Variants in NEB observed in about 807,000 individuals in gnomAD.
NEB encodes nebulin.
NEB carries 512 observed loss-of-function variants against 952.2 expected under a neutral mutation model. That is an observed-to-expected ratio of 0.54 (90% CI 0.50 to 0.58). NEB has a LOEUF of 0.58. Among genes scored for constraint, NEB ranks in the 20% least tolerant of loss-of-function variants. The pLI, the probability that NEB is intolerant of heterozygous loss-of-function variation, is 0.00. For synonymous variants in NEB, 2,900 were observed against 3,149.8 expected (o/e 0.92, Z 2.66); for missense variants, 8,428 against 9,231.1 (o/e 0.91, Z 3.56).
At chr2:151,630,936 A>C in intron 66 of NEB, 117 bp from the exon 67 acceptor site, 1 of 1,158,926 alleles carries the variant, frequency 8.6e-7, no homozygotes, top group Non-Finnish European at 1.2e-6. Flanking sequence ...TTGAATATAA[A>C]GTATTCTACT....
intron 13 of NEB, among the ~76,000 whole-genome samples, chr2:151,699,442 A>T (rs1195234401): frequency 1.9e-4 from 7 of 36,722 alleles, no homozygotes; most frequent in East Asian, 6.5e-4. Flanking sequence ...CGCCACACTG[A>T]CTTCCACAAT....
intron 34 of NEB, 82 bp from the exon 35 acceptor site, chr2:151,675,473 AC>A: frequency 1.1e-6 from 1 of 909,766 alleles, no homozygotes; most frequent in Non-Finnish European, 1.7e-6. Context: ...TAGCACAATC[AC>A]CCATGATTTT....
Position 151,679,792 on chromosome 2 carries a change from T to C in NEB, c.3184A>G (p.Lys1062Glu), listed in dbSNP as rs192117840. ...GCATCAGTTCTCAGGTCATATCCCTTCTTGCTCAAGTCTTTCAAGTCTGCT... is the reference window on the plus strand; with the variant it reads ...GCATCAGTTCTCAGGTCATATCCCTCCTTGCTCAAGTCTTTCAAGTCTGCT... The part of the protein sequence containing the change: ...YKADLKDLSK[K>E]GYDLRTDAIP... Residue 1062 changes from lysine (K) to glutamate (E), a missense_variant, in exon 32 of 182, where the codon AAG (lysine) becomes GAG (glutamate). Around this residue, in one of 11 missense-constraint regions of NEB, gnomAD observed 2,851 missense variants for 2,791.5 expected, o/e 1.02. Coordinates refer to ENST00000397345, the MANE Select transcript of NEB (RefSeq NM_001164508.2). 217 of 1,613,874 alleles carry C rather than the reference T, an allele frequency of 1.3e-4. No individual in the cohort carries two copies. In the African/African-American group the frequency reaches 1.9e-3, roughly 14 times the overall value.
intron 78 of NEB, 130 bp downstream of exon 78, chr2:151,612,056 G>A: frequency 2.1e-6 from 2 of 943,706 alleles, no homozygotes; most frequent in East Asian, 2.6e-5. Context: ...CAGATGCTCT[G>A]TTAAAGGCCT....
chr2:151,521,478 TC>T (rs1306649421), intron 153 of NEB, among the ~76,000 whole-genome samples: 5 of 152,208 alleles, frequency 3.3e-5, no homozygotes, highest in Admixed American at 2.0e-4. Context: ...AGGCAACTTT[TC>T]CTAAGAGATA....
At chr2:151,509,782 C>T (rs1397287992) in intron 161 of NEB, among the ~76,000 whole-genome samples, 1 of 152,158 alleles carries the variant, frequency 6.6e-6, no homozygotes, top group African/African-American at 2.4e-5. Context: ...TGTGCACCAC[C>T]ACAACCAGCT....
intron 133 of NEB, among the ~76,000 whole-genome samples, chr2:151,546,722 C>T (rs951659041): frequency 3.3e-5 from 5 of 151,962 alleles, no homozygotes; most frequent in Admixed American, 1.3e-4. Context: ...TCGTGCCTGG[C>T]TAATTTTTGT....
At chr2:151,536,988 GA>G in intron 141 of NEB, 143 bp downstream of exon 141, 1 of 458,360 alleles carries the variant, frequency 2.2e-6, no homozygotes, top group Middle Eastern at 4.2e-4. Context: ...TCCTAGCAGT[GA>G]ACAAGTAAGT....
rs149510427 is a variant in NEB at position 151,531,078 on chromosome 2, G to C, written c.21546C>G (p.Asn7182Lys). The stretch of plus-strand genomic sequence containing the variant: ...TGGTGTAGCCTCTGGGTTTGGCCTT[G>C]TTGTATTCCAATTTATAAAGGATCT... Reference protein sequence around the residue: ...ISDILYKLEYNKAKPRGYTTI... With the variant: ...ISDILYKLEYKKAKPRGYTTI... Residue 7182 changes from asparagine (N) to lysine (K), a missense_variant, in exon 145 of 182, where the codon AAC becomes AAG. Coordinates refer to ENST00000397345, the MANE Select transcript of NEB (RefSeq NM_001164508.2). The C allele has an allele frequency of 1.2e-6, 2 of 1,611,762 alleles. No individual in the cohort carries two copies. The highest frequency in any genetic ancestry group is 8.5e-7 in the Non-Finnish European group (1 of 1,178,358).
intron 71 of NEB, among the ~76,000 whole-genome samples, chr2:151,624,830 CTATT>C (rs1291929479): frequency 2.0e-5 from 3 of 152,114 alleles, no homozygotes; most frequent in Admixed American, 2.0e-4. Flanking sequence ...GAGCAAGACG[CTATT>C]TATGCAGCAG....
rs546250852 is a variant in NEB at position 151,725,487 on chromosome 2, C to A, written c.368G>T (p.Arg123Leu). The change falls in exon 6 of 182, where the codon CGC (arginine) becomes CTC (leucine). Residue 123 changes from arginine to leucine, a missense_variant. Coordinates refer to ENST00000397345, the MANE Select transcript of NEB (RefSeq NM_001164508.2). Reference protein sequence around the residue: ...YASTTDTPELRRIKKVQDQLS... With the variant: ...YASTTDTPELLRIKKVQDQLS... ...TTGATCTTGTACTTTTTTGATTCTG[C>A]GAAGTTCTGGAGTATCTGTTGTGCT... 1.9e-6 allele frequency: 3 copies of A among 1,613,228 alleles called. No homozygotes were observed. The highest frequency in any genetic ancestry group is 2.5e-6 in the Non-Finnish European group (3 of 1,179,484).
At chr2:151,721,443 C>T (rs973110384) in intron 9 of NEB, among the ~76,000 whole-genome samples, 2 of 152,118 alleles carry the variant, frequency 1.3e-5, no homozygotes, top group African/African-American at 4.8e-5. Context: ...ACCTGTGTCC[C>T]CTTGTTCAAG....
intron 146 of NEB, among the ~76,000 whole-genome samples, chr2:151,527,837 ATCTC>A (rs981047814): frequency 6.6e-6 from 1 of 152,164 alleles, no homozygotes; most frequent in Non-Finnish European, 1.5e-5. Flanking sequence ...TGATTCTTCA[ATCTC>A]TCTAGTTCTG....
intron 6 of NEB, 138 bp from the exon 7 acceptor site, chr2:151,725,099 GA>G: frequency 1.5e-6 from 1 of 678,280 alleles, no homozygotes; most frequent in Non-Finnish European, 2.5e-6. Context: ...ATTTTAGCTG[GA>G]AAAATGTGAT....
chr2:151,550,889 C>T (rs953627682), intron 129 of NEB, among the ~76,000 whole-genome samples: 2 of 151,438 alleles, frequency 1.3e-5, no homozygotes, highest in African/African-American at 4.9e-5. Flanking sequence ...AAGCCATCTG[C>T]CTGCCATGAC....
chr2:151,527,585 G>C lies in NEB; in HGVS notation c.21736C>G (p.Leu7246Val), dbSNP rs1165603217. 1 of 1,609,086 alleles carries C rather than the reference G, an allele frequency of 6.2e-7. No individual in the cohort carries two copies. Among genetic ancestry groups the C allele is most frequent in the Non-Finnish European group, 8.5e-7 (1 of 1,177,020 alleles). Residue 7246 changes from leucine to valine, a missense_variant and splice_region_variant, in exon 147 of 182, where the codon CTG becomes GTG. Coordinates refer to ENST00000397345, the MANE Select transcript of NEB (RefSeq NM_001164508.2). ...AKDAYKVNTN[L>V]DYKKQYEANK... is the part of the protein sequence containing the mutation. ...GCTTCGTACTGTTTCTTATAGTCCAGCTGTTTTTAACAGGAGAGAAAGGAA... is the reference window on the plus strand; with the variant it reads ...GCTTCGTACTGTTTCTTATAGTCCACCTGTTTTTAACAGGAGAGAAAGGAA...
At chr2:151,497,811 A>C in intron 170 of NEB, 93 bp from the exon 171 acceptor site, 1 of 1,533,780 alleles carries the variant, frequency 6.5e-7, no homozygotes, top group East Asian at 2.5e-5. Context: ...CAGTCATCCA[A>C]GGAGCCAGAA....
chr2:151,488,078 G>A (rs2052595419), intron 181 of NEB, among the ~76,000 whole-genome samples: 1 of 151,422 alleles, frequency 6.6e-6, no homozygotes, highest in Non-Finnish European at 1.5e-5. Flanking sequence ...TTTTTCTGTT[G>A]GCCATTTATA....
intron 32 of NEB, 48 bp downstream of exon 32, chr2:151,679,673 C>T: frequency 1.4e-6 from 1 of 737,364 alleles, no homozygotes; most frequent in East Asian, 2.6e-5. Context: ...CCCAAGCCCA[C>T]CCACCCACAT....
Sources: gnomAD v4.1 joint callset for allele counts (sites outside exome capture counted in the v4.1 genomes callset) on GRCh38, gnomAD v4.1.1 for gene constraint, gnomAD v4.1.1 regional missense constraint, MANE v1.5 for transcripts, NCBI Gene and HGNC (gene_info 2026-07-23, HGNC 2026-07-21) for gene names.